ZNF160: variants seen among roughly 807,000 people sequenced by gnomAD.
ZNF160 encodes zinc finger protein 160, also known as KRAB zinc finger protein KR18.
In ZNF160, 9 loss-of-function variants were observed where a neutral mutation model predicts 13.1. The observed-to-expected ratio is 0.69, with a 90% CI of 0.41 to 1.20. The LOEUF (loss-of-function observed/expected upper bound fraction) is 1.20, where lower values mean the gene tolerates loss of function less well. Among genes scored for constraint, ZNF160 ranks in the 50% most tolerant of loss-of-function variants. ZNF160 has a pLI of 0.01. For synonymous variants in ZNF160, 293 were observed against 333.2 expected, an observed-to-expected ratio of 0.88 and a Z score of 1.31; for missense variants, 838 against 988.0, an observed-to-expected ratio of 0.85 and a Z score of 2.04.
intron 5 of ZNF160, among the ~76,000 whole-genome samples, chr19:53,073,782 C>CTTTA (rs149525641): frequency 0.073 from 11,142 of 151,824 alleles, 430 homozygotes; most frequent in Middle Eastern, 0.18. Flanking sequence ...GAGTTTCCCA[C>CTTTA]TTTATTTATT....
rs1234542496 is a variant in ZNF160, at chr19:53,083,022, A to G, written c.15+3240T>C. ...TTATAAAGGATATTACAATGAATAC[A>G]TATGAAGAGATGCATACAGTGAAGT... is the stretch of plus-strand genomic sequence containing the variant. On this transcript the variant is annotated intron_variant, in intron 3 of 5. Coordinates refer to ENST00000683776, the MANE Select transcript of ZNF160 (RefSeq NM_001322131.2). 7.2e-5 allele frequency among the ~76,000 whole-genome samples: 11 copies of G among 152,360 alleles called. No individual in the cohort carries two copies. In the East Asian group the frequency reaches 2.1e-3, roughly 29 times the overall value.
chr19:53,075,807 G>C (rs1466813426), intron 3 of ZNF160: 1 of 518,930 alleles, frequency 1.9e-6, no homozygotes, highest in South Asian at 1.4e-5. Flanking sequence ...TCAAGGAGGG[G>C]GTCATCAGAA....
Position 53,068,035 on chromosome 19 carries a change from T to A in ZNF160, c.*42A>T, listed in dbSNP as rs2084018939. On this transcript the variant is annotated 3_prime_UTR_variant, in exon 6 of 6. Coordinates refer to ENST00000683776, the MANE Select transcript of ZNF160 (RefSeq NM_001322131.2). ...GGATTCTGTCAAGAATGAAATTAACTGATGTGAAAGGAGTGAATTGTACCT... is the reference window on the plus strand; with the variant it reads ...GGATTCTGTCAAGAATGAAATTAACAGATGTGAAAGGAGTGAATTGTACCT... 6.5e-7 allele frequency: 1 copy of A among 1,538,984 alleles called. No individual in the cohort carries two copies. Among genetic ancestry groups the A allele is most frequent in the Non-Finnish European group, 8.7e-7 (1 of 1,143,444 alleles).
Position 53,103,402 on chromosome 19 carries a change from G to T in ZNF160, c.-491C>A, listed in dbSNP as rs1330078126. ...TACGCCATGGTGTGATGCTTGCTCC[G>T]CACGATCCACTTCCGGGTCTGTGGG... On this transcript the variant is annotated 5_prime_UTR_variant, in exon 1 of 6. Coordinates refer to ENST00000683776, the MANE Select transcript of ZNF160 (RefSeq NM_001322131.2). 6.6e-6 allele frequency: 1 copy of T among 152,296 alleles called. No individual in the cohort carries two copies. Among genetic ancestry groups the T allele is most frequent in the Non-Finnish European group, 1.5e-5 (1 of 68,128 alleles). 9.4% of individuals were successfully genotyped at this position (152,296 alleles called of 1,614,324 possible). A position where few individuals can be genotyped will look rare whatever the true frequency, so the allele number is the denominator to read the frequency against.
At chr19:53,093,267 T>C (rs12709934) in intron 1 of ZNF160, among the ~76,000 whole-genome samples, 86,242 of 151,626 alleles carry the variant, frequency 0.57, 24,895 homozygotes, top group Non-Finnish European at 0.61. Flanking sequence ...TGGTGAAACG[T>C]TGTCTCTACT....
At chr19:53,084,268 C>T (rs549923313) in intron 3 of ZNF160, among the ~76,000 whole-genome samples, 2 of 152,236 alleles carry the variant, frequency 1.3e-5, no homozygotes, top group East Asian at 3.9e-4. Flanking sequence ...CACCTGCTCG[C>T]TTCCTCTCCT....
intron 4 of ZNF160, among the ~76,000 whole-genome samples, chr19:53,074,805 T>C (rs2084322879): frequency 6.6e-6 from 1 of 152,078 alleles, no homozygotes; most frequent in African/African-American, 2.4e-5. Context: ...AAATCTGACA[T>C]TTCAAAAGTC....
chr19:53,080,885 G>A (rs2084605615), intron 3 of ZNF160, among the ~76,000 whole-genome samples: 2 of 152,018 alleles, frequency 1.3e-5, no homozygotes, highest in African/African-American at 4.8e-5. Context: ...ATATACCAAT[G>A]GAATAGAACA....
At chr19:53,083,719 G>C (rs1424493946) in intron 3 of ZNF160, among the ~76,000 whole-genome samples, 1 of 152,146 alleles carries the variant, frequency 6.6e-6, no homozygotes, top group African/African-American at 2.4e-5. Flanking sequence ...GGGCAACATA[G>C]TGAGACCCTG....
At chr19:53,073,934 C>T (rs745338022) in intron 5 of ZNF160, among the ~76,000 whole-genome samples, 25 of 152,080 alleles carry the variant, frequency 1.6e-4, no homozygotes, top group African/African-American at 6.0e-4. Flanking sequence ...TACAGGCACA[C>T]GCCACCATGC....
At chr19:53,084,262 T>C (rs1048437569) in intron 3 of ZNF160, among the ~76,000 whole-genome samples, 1 of 152,234 alleles carries the variant, frequency 6.6e-6, no homozygotes, top group African/African-American at 2.4e-5. Context: ...GACACCCACC[T>C]GCTCGCTTCC....
At position 53,086,271 on chromosome 19, in the gene ZNF160, G is replaced by C; in HGVS notation, c.6C>G (p.Ala2=). 6.3e-7 allele frequency: 1 copy of C among 1,588,340 alleles called. No homozygotes were observed. Among genetic ancestry groups the C allele is most frequent in the South Asian group, 1.1e-5 (1 of 87,948 alleles). The change falls in exon 3 of 6, where the codon GCC becomes GCG. Residue 2 remains alanine, a synonymous_variant. Coordinates refer to ENST00000683776, the MANE Select transcript of ZNF160 (RefSeq NM_001322131.2). The part of the protein sequence containing the change: M[A]LTQVRLTFRD... ...AGGAGTATCACTTTACCTGAGTAAG[G>C]GCCATCCCTGACTCCTTTTCTTTCC... is the stretch of plus-strand genomic sequence containing the variant.
At chr19:53,085,658 G>A (rs1423818675) in intron 3 of ZNF160, 1 of 207,260 alleles carries the variant, frequency 4.8e-6, no homozygotes, top group African/African-American at 2.3e-5. Context: ...TCTGAGACTA[G>A]TTTAATGAAT....
rs2084827495 is a variant in ZNF160 at position 53,086,285 on chromosome 19, C to T, written c.-9G>A. On this transcript the variant is annotated 5_prime_UTR_variant, in exon 3 of 6. Coordinates refer to ENST00000683776, the MANE Select transcript of ZNF160 (RefSeq NM_001322131.2). ...ACCTGAGTAAGGGCCATCCCTGACT[C>T]CTTTTCTTTCCTCTTCCTCTTCTTC... is the stretch of plus-strand genomic sequence containing the variant. 6.3e-7 allele frequency: 1 copy of T among 1,586,146 alleles called. No homozygotes were observed. The highest frequency in any genetic ancestry group is 8.6e-7 in the Non-Finnish European group (1 of 1,168,052).
At position 53,077,983 on chromosome 19, in the gene ZNF160, T is replaced by C. The variant is rs778772397; in HGVS notation, c.16-2800A>G. Reference sequence around the variant, plus strand: ...AGAGCCAGGCGTGATGGCTCACGCCTGTAATCCCAGCACTTTGGGAGGCTA... The same window carrying C: ...AGAGCCAGGCGTGATGGCTCACGCCCGTAATCCCAGCACTTTGGGAGGCTA... On this transcript the variant is annotated intron_variant, in intron 3 of 5. Transcript: ENST00000683776. 9.7e-4 allele frequency among the ~76,000 whole-genome samples: 148 copies of C among 152,192 alleles called. 3 individuals are homozygous for C. Among genetic ancestry groups the C allele is most frequent in the Non-Finnish European group, 3.1e-4 (21 of 68,036 alleles).
chr19:53,094,730 A>C (rs1410658217), intron 1 of ZNF160, among the ~76,000 whole-genome samples: 1 of 152,218 alleles, frequency 6.6e-6, no homozygotes, highest in African/African-American at 2.4e-5. Context: ...GACTGAAAAT[A>C]AGCCGGAAGC....
chr19:53,068,753 T>C lies in ZNF160; in HGVS notation c.1781A>G (p.Lys594Arg). 1 of 1,614,218 alleles carries C rather than the reference T, an allele frequency of 6.2e-7. No homozygotes were observed. Among genetic ancestry groups the C allele is most frequent in the South Asian group, 1.1e-5 (1 of 91,086 alleles). Reference sequence around the variant, plus strand: ...AAAGGCTCTGCCACAGTCATTACACTTGTAAGGTTTTTCTCCAGTATGAAC... The same window carrying C: ...AAAGGCTCTGCCACAGTCATTACACCTGTAAGGTTTTTCTCCAGTATGAAC... ...WRVHTGEKPYKCNDCGRAFSD... is the reference protein window; with the variant it reads ...WRVHTGEKPYRCNDCGRAFSD... The change falls in exon 6 of 6, where the codon AAG (lysine) becomes AGG (arginine). Residue 594 changes from lysine to arginine, a missense_variant. Lys to Arg is a conservative substitution (Grantham distance 26). Coordinates refer to ENST00000683776, the MANE Select transcript of ZNF160 (RefSeq NM_001322131.2).
At chr19:53,081,522 C>A (rs955928549) in intron 3 of ZNF160, among the ~76,000 whole-genome samples, 1 of 152,048 alleles carries the variant, frequency 6.6e-6, no homozygotes. Context: ...ATGCTCAACA[C>A]CCCGATCATC....
At chr19:53,078,638 C>T (rs755570704) in intron 3 of ZNF160, among the ~76,000 whole-genome samples, 9 of 151,860 alleles carry the variant, frequency 5.9e-5, no homozygotes, top group Non-Finnish European at 1.2e-4. Flanking sequence ...GAAAAATGAA[C>T]AAATGAACAT....
Sources: gnomAD v4.1 joint callset for allele counts (sites outside exome capture counted in the v4.1 genomes callset) on GRCh38, gnomAD v4.1.1 for gene constraint, MANE v1.5 for transcripts, NCBI Gene and HGNC (gene_info 2026-07-23, HGNC 2026-07-21) for gene names.